BCL2: variants seen among roughly 807,000 people sequenced by gnomAD.
BCL2 encodes BCL2 apoptosis regulator.
In BCL2, 1 loss-of-function variant was observed where a neutral mutation model predicts 14.2. The observed-to-expected ratio is 0.07, with a 90% confidence interval of 0.02 to 0.33. BCL2 has a LOEUF of 0.33. Ranked by LOEUF, BCL2 falls within the 10% of genes least tolerant of loss-of-function variation. BCL2 has a pLI of 0.99. For synonymous variants in BCL2, 151 were observed against 137.2 expected (o/e 1.10, Z -0.70); for missense variants, 247 against 305.9 (o/e 0.81, Z 1.44).
intron 2 of BCL2, among the ~76,000 whole-genome samples, chr18:63,215,088 T>C (rs965890665): frequency 3.3e-5 from 5 of 152,206 alleles, no homozygotes; most frequent in Admixed American, 6.5e-5. Context: ...ATGAATTCTC[T>C]TTTATATATA....
At chr18:63,246,663 A>C (rs1224558068) in intron 2 of BCL2, among the ~76,000 whole-genome samples, 1 of 152,184 alleles carries the variant, frequency 6.6e-6, no homozygotes, top group African/African-American at 2.4e-5. Flanking sequence ...GGACACAGCC[A>C]AACCATATCA....
intron 2 of BCL2, among the ~76,000 whole-genome samples, chr18:63,166,330 G>C (rs889780477): frequency 6.6e-6 from 1 of 152,194 alleles, no homozygotes; most frequent in African/African-American, 2.4e-5. Context: ...TGGACTGGGG[G>C]ATGTAAGGCG....
At chr18:63,283,787 CT>C (rs1179013693) in intron 2 of BCL2, among the ~76,000 whole-genome samples, 1 of 152,170 alleles carries the variant, frequency 6.6e-6, no homozygotes, top group Non-Finnish European at 1.5e-5. Context: ...ACCAGGGCCT[CT>C]TTGGTAATGG....
chr18:63,157,088 A>G (rs1201013932), intron 2 of BCL2, among the ~76,000 whole-genome samples: 1 of 152,252 alleles, frequency 6.6e-6, no homozygotes, highest in Admixed American at 6.5e-5. Flanking sequence ...TGTGGGTCTG[A>G]CAAATATTTT....
At chr18:63,243,851 A>C (rs1459619730) in intron 2 of BCL2, among the ~76,000 whole-genome samples, 1 of 152,248 alleles carries the variant, frequency 6.6e-6, no homozygotes, top group African/African-American at 2.4e-5. Flanking sequence ...AGGCTTCATG[A>C]GAACATTATC....
intron 2 of BCL2, among the ~76,000 whole-genome samples, chr18:63,306,505 C>G (rs540902451): frequency 3.9e-5 from 6 of 152,374 alleles, no homozygotes; most frequent in Admixed American, 3.3e-4. Context: ...AGGCTGAACT[C>G]CTCAGCTCCT....
intron 2 of BCL2, among the ~76,000 whole-genome samples, chr18:63,311,197 C>T (rs901833747): frequency 2.0e-5 from 3 of 152,020 alleles, no homozygotes; most frequent in African/African-American, 7.3e-5. Flanking sequence ...TCTAATGCAG[C>T]TGAGAGGAAT....
rs542360806 is a variant in BCL2, at chr18:63,153,885, T to C, written c.586-25126A>G. The stretch of plus-strand genomic sequence containing the variant: ...GGCTTCTAGAAGACAATGATGACTC[T>C]GGGAAGGGCAGGCCTGAATGTGGAT... On this transcript the variant is annotated intron_variant, in intron 2 of 2. Transcript: ENST00000333681. 1.6e-4 allele frequency among the ~76,000 whole-genome samples: 24 copies of C among 152,322 alleles called. No individual in the cohort carries two copies. The South Asian group carries it at 4.8e-3, about 30-fold the overall frequency.
At chr18:63,154,183 C>T (rs1244160839) in intron 2 of BCL2, among the ~76,000 whole-genome samples, 1 of 152,124 alleles carries the variant, frequency 6.6e-6, no homozygotes, top group Non-Finnish European at 1.5e-5. Context: ...ATCCTCAACT[C>T]CTCCCTCTTC....
At chr18:63,274,563 G>A (rs1381289765) in intron 2 of BCL2, among the ~76,000 whole-genome samples, 1 of 152,038 alleles carries the variant, frequency 6.6e-6, no homozygotes, top group Non-Finnish European at 1.5e-5. Context: ...GGGATTACAG[G>A]CATGAGCCAC....
chr18:63,225,538 C>T (rs1238554443), intron 2 of BCL2, among the ~76,000 whole-genome samples: 2 of 152,136 alleles, frequency 1.3e-5, no homozygotes, highest in East Asian at 1.9e-4. Context: ...GGAACCAGCA[C>T]ATAAGTAAAT....
chr18:63,177,924 C>A (rs1256182569), intron 2 of BCL2, among the ~76,000 whole-genome samples: 1 of 152,140 alleles, frequency 6.6e-6, no homozygotes, highest in Non-Finnish European at 1.5e-5. Flanking sequence ...CCCCCCTCCT[C>A]CCCATAAGAG....
chr18:63,193,317 G>A (rs115238395), intron 2 of BCL2, among the ~76,000 whole-genome samples: 122 of 152,274 alleles, frequency 8.0e-4, no homozygotes, highest in African/African-American at 2.7e-3. Context: ...CTGTGTGTGA[G>A]TGTGTGTGTT....
At chr18:63,302,943 C>T (rs1913010861) in intron 2 of BCL2, 1 of 941,202 alleles carries the variant, frequency 1.1e-6, no homozygotes. Flanking sequence ...CTTGATACGC[C>T]CTGGTTGCTG....
intron 2 of BCL2, chr18:63,315,461 G>C (rs1440265751): frequency 1.3e-5 from 2 of 152,176 alleles, no homozygotes; most frequent in Admixed American, 1.3e-4. Context: ...AAGTCAAACA[G>C]ATTTCCTCAG....
chr18:63,230,251 A>G (rs536889837), intron 2 of BCL2, among the ~76,000 whole-genome samples: 1 of 152,336 alleles, frequency 6.6e-6, no homozygotes, highest in East Asian at 1.9e-4. Flanking sequence ...AAATTTCAGA[A>G]GCACACTGCT....
chr18:63,208,748 G>T (rs766411697), intron 2 of BCL2, among the ~76,000 whole-genome samples: 28 of 152,196 alleles, frequency 1.8e-4, no homozygotes, highest in Non-Finnish European at 1.9e-4. Flanking sequence ...GAAGTTTAGA[G>T]CCAGGAATAT....
At position 63,123,981 on chromosome 18, in the gene BCL2, G is replaced by C. The variant is rs1490540984; in HGVS notation, c.*4644C>G. The C allele has an allele frequency of 1.8e-5, 4 of 221,690 alleles. No homozygotes were observed. In the East Asian group the frequency reaches 2.6e-4, roughly 14 times the overall value. The allele number at this position is 221,690 out of a possible 1,614,324, so 13.7% of individuals were successfully genotyped here. On this transcript the variant is annotated 3_prime_UTR_variant, in exon 3 of 3. Coordinates refer to ENST00000333681, the MANE Select transcript of BCL2 (RefSeq NM_000633.3). ...TGTTCCCATCTTCTGTGCTCAGCTTGGTATGCAGAACAACCTTGTTGTTGA... is the reference window on the plus strand; with the variant it reads ...TGTTCCCATCTTCTGTGCTCAGCTTCGTATGCAGAACAACCTTGTTGTTGA...
intron 2 of BCL2, among the ~76,000 whole-genome samples, chr18:63,197,448 T>C (rs1909474706): frequency 6.6e-6 from 1 of 152,196 alleles, no homozygotes; most frequent in African/African-American, 2.4e-5. Context: ...CTGCAGCAAT[T>C]TGTCCTGCTT....
Sources: gnomAD v4.1 joint callset for allele counts (sites outside exome capture counted in the v4.1 genomes callset) on GRCh38, gnomAD v4.1.1 for gene constraint, MANE v1.5 for transcripts, NCBI Gene and HGNC (gene_info 2026-07-23, HGNC 2026-07-21) for gene names.